Variants in GALNT7 observed in about 807,000 individuals in gnomAD.
GALNT7 encodes the protein polypeptide N-acetylgalactosaminyltransferase 7.
A neutral mutation model predicts 82.1 loss-of-function variants in GALNT7; 60 were observed. The ratio of observed to expected loss-of-function variants is 0.73; its 90% CI spans 0.59 to 0.91. The LOEUF is 0.91. Ranked by LOEUF, GALNT7 falls within the 40% of genes least tolerant of loss-of-function variation. The probability of loss-of-function intolerance (pLI) is 0.00; values close to 1 mark genes in which losing one functional copy is unlikely to be tolerated. For synonymous variants in GALNT7, 243 were observed against 275.1 expected (o/e 0.88, Z 1.15); for missense variants, 660 against 804.2 (o/e 0.82, Z 2.17).
At chr4:173,278,022 G>A (rs907853902) in intron 2 of GALNT7, among the ~76,000 whole-genome samples, 5 of 152,324 alleles carry the variant, frequency 3.3e-5, no homozygotes, top group African/African-American at 9.6e-5. Context: ...GAAACTGGAG[G>A]TGGGAAAATA....
intron 1 of GALNT7, 24 bp downstream of exon 1, chr4:173,168,985 C>T: frequency 6.2e-7 from 1 of 1,607,424 alleles, no homozygotes; most frequent in South Asian, 1.1e-5. Flanking sequence ...CCGGCCCCCT[C>T]CGGCGGCAGC....
At chr4:173,253,921 A>G (rs1174122980) in intron 2 of GALNT7, among the ~76,000 whole-genome samples, 1 of 152,220 alleles carries the variant, frequency 6.6e-6, no homozygotes, top group African/African-American at 2.4e-5. Flanking sequence ...CTGCTGATGC[A>G]AACACTTGGA....
chr4:173,318,231 T>TA (rs1278417137), intron 10 of GALNT7, among the ~76,000 whole-genome samples, 200 bp from the exon 11 acceptor site: 9 of 152,226 alleles, frequency 5.9e-5, no homozygotes, highest in Non-Finnish European at 1.2e-4. Flanking sequence ...CTAAAGAACT[T>TA]AATGATTTCA....
intron 2 of GALNT7, among the ~76,000 whole-genome samples, chr4:173,281,231 G>A (rs1736097888): frequency 1.3e-5 from 2 of 152,110 alleles, no homozygotes; most frequent in African/African-American, 4.8e-5. Flanking sequence ...GTCTTCCCGG[G>A]TATACTGGCA....
intron 1 of GALNT7, among the ~76,000 whole-genome samples, chr4:173,205,039 A>G (rs1049008071): frequency 7.9e-5 from 12 of 152,298 alleles, no homozygotes; most frequent in African/African-American, 2.9e-4. Context: ...CAGACTTACT[A>G]CTGGAGCCCT....
At chr4:173,317,863 T>C in intron 10 of GALNT7, 131 bp downstream of exon 10, 1 of 622,494 alleles carries the variant, frequency 1.6e-6, no homozygotes. Flanking sequence ...TAAAACATTC[T>C]GTAAAAAAAT....
chr4:173,307,410 G>A (rs1484900244), intron 8 of GALNT7, among the ~76,000 whole-genome samples: 3 of 152,246 alleles, frequency 2.0e-5, no homozygotes, highest in African/African-American at 7.2e-5. Context: ...AAGTAGCCAA[G>A]AATGGGAGCA....
chr4:173,321,778 C>A lies in GALNT7; in HGVS notation c.*61C>A. ...AAGTAAATTTATACAGGACTGAAAA[C>A]CGCCTGAAACCTGCTGCAACTATTG... On this transcript the variant is annotated 3_prime_UTR_variant, in exon 12 of 12. Transcript: ENST00000265000. 8.9e-7 allele frequency: 1 copy of A among 1,122,430 alleles called. No individual in the cohort carries two copies. The highest frequency in any genetic ancestry group is 1.3e-6 in the Non-Finnish European group (1 of 750,696). 69.5% of individuals were successfully genotyped at this position (1,122,430 alleles called of 1,614,324 possible).
rs888722429 is a variant in GALNT7 at position 173,322,456 on chromosome 4, G to A, written c.*739G>A. On this transcript the variant is annotated 3_prime_UTR_variant, in exon 12 of 12. Coordinates refer to ENST00000265000, the MANE Select transcript of GALNT7 (RefSeq NM_017423.3). Reference sequence around the variant, plus strand: ...GGAACATCCCAAGGCTGTCCCATAGGGTTGGAAGTTGTGTAGCATTCACTC... The same window carrying A: ...GGAACATCCCAAGGCTGTCCCATAGAGTTGGAAGTTGTGTAGCATTCACTC... 2.6e-5 allele frequency: 4 copies of A among 152,240 alleles called. No individual in the cohort carries two copies. Among genetic ancestry groups the A allele is most frequent in the Non-Finnish European group, 5.9e-5 (4 of 68,002 alleles). The allele number at this position is 152,240 out of a possible 1,614,324, so 9.4% of individuals were successfully genotyped here.
chr4:173,237,274 T>C (rs958960433), intron 1 of GALNT7, among the ~76,000 whole-genome samples: 3 of 152,200 alleles, frequency 2.0e-5, no homozygotes, highest in African/African-American at 7.2e-5. Context: ...AGCCACACAT[T>C]GCAATACTTT....
chr4:173,198,917 A>C (rs952821885), intron 1 of GALNT7, among the ~76,000 whole-genome samples: 1 of 152,162 alleles, frequency 6.6e-6, no homozygotes, highest in African/African-American at 2.4e-5. Context: ...GGCCTCTTGA[A>C]GAGGTGATAT....
intron 1 of GALNT7, among the ~76,000 whole-genome samples, chr4:173,211,909 G>A (rs1303128263): frequency 2.0e-5 from 3 of 152,218 alleles, no homozygotes; most frequent in Admixed American, 1.3e-4. Flanking sequence ...CAGCCTGTCA[G>A]TTTTCAAAGT....
At chr4:173,247,950 C>G in intron 1 of GALNT7, 30 bp from the exon 2 acceptor site, 1 of 1,451,900 alleles carries the variant, frequency 6.9e-7, no homozygotes, top group Non-Finnish European at 9.6e-7. Context: ...CCTTCATGTA[C>G]TCATTGTATA....
chr4:173,300,075 A>T (rs1736865266), intron 6 of GALNT7, among the ~76,000 whole-genome samples: 1 of 152,248 alleles, frequency 6.6e-6, no homozygotes, highest in South Asian at 2.1e-4. Flanking sequence ...TTGAATGCTT[A>T]CTGTATGCCA....
At position 173,220,916 on chromosome 4, in the gene GALNT7, G is replaced by A. The variant is rs188227669; in HGVS notation, c.127-27064G>A. Among the ~76,000 whole-genome samples the A allele has an allele frequency of 3.8e-3, 574 of 152,030 alleles. 4 individuals carry two copies. Among genetic ancestry groups the A allele is most frequent in the African/African-American group, 0.013 (540 of 41,440 alleles). Reference sequence around the variant, plus strand: ...CAGTCTATCATTGTTGGACATTTGGGTTGGTTCCAAGTCTTTGCTATTGTG... The same window carrying A: ...CAGTCTATCATTGTTGGACATTTGGATTGGTTCCAAGTCTTTGCTATTGTG... On this transcript the variant is annotated intron_variant, in intron 1 of 11. Transcript: ENST00000265000.
chr4:173,230,657 T>G (rs561196424), intron 1 of GALNT7, among the ~76,000 whole-genome samples: 1 of 152,344 alleles, frequency 6.6e-6, no homozygotes, highest in East Asian at 1.9e-4. Context: ...CACTTGGGTT[T>G]CATAGTGAAC....
intron 5 of GALNT7, chr4:173,297,875 A>G: frequency 2.0e-6 from 3 of 1,508,044 alleles, no homozygotes; most frequent in Non-Finnish European, 2.6e-6. Flanking sequence ...GGGGATGAAG[A>G]TGGTTTTGCC....
chr4:173,283,397 T>C (rs190198376), intron 2 of GALNT7, among the ~76,000 whole-genome samples: 31 of 152,180 alleles, frequency 2.0e-4, no homozygotes, highest in Admixed American at 1.2e-3. Context: ...CCCAGCACTT[T>C]GGGAGCCCAA....
At chr4:173,182,693 C>CACACAG (rs1347639591) in intron 1 of GALNT7, among the ~76,000 whole-genome samples, 12 of 137,410 alleles carry the variant, frequency 8.7e-5, no homozygotes, top group Non-Finnish European at 1.5e-4. Context: ...CACACACACA[C>CACACAG]ACAGCGTGTT....
Sources: allele counts gnomAD v4.1 joint callset (sites outside exome capture counted in the v4.1 genomes callset), GRCh38; gene constraint gnomAD v4.1.1; transcripts MANE v1.5; gene names NCBI Gene and HGNC (gene_info 2026-07-23, HGNC 2026-07-21).